The following PLXNA4 variants were observed in gnomAD, a reference collection of about 807,000 sequenced individuals.
PLXNA4 encodes plexin-A4.
PLXNA4 carries 44 observed loss-of-function variants against 191.8 expected under a neutral mutation model. The ratio of observed to expected loss-of-function variants is 0.23; its 90% confidence interval spans 0.18 to 0.29. The LOEUF (loss-of-function observed/expected upper bound fraction) is 0.29, where lower values mean the gene tolerates loss of function less well. Ranked by LOEUF, PLXNA4 falls within the 10% of genes least tolerant of loss-of-function variation. The pLI is 1.00. For missense variants in PLXNA4, 1,800 were observed against 2,488.8 expected (o/e 0.72, Z 5.89); for synonymous variants, 1,082 against 1,009.5 (o/e 1.07, Z -1.36).
At chr7:132,259,717 C>T (rs145776747) in intron 4 of PLXNA4, among the ~76,000 whole-genome samples, 121 of 152,144 alleles carry the variant, frequency 8.0e-4, no homozygotes, top group Admixed American at 2.0e-3. Context: ...CACTTGGAAG[C>T]GAACAAGGTG....
At chr7:132,405,732 AG>A (rs1474760286) in intron 3 of PLXNA4, among the ~76,000 whole-genome samples, 1 of 152,190 alleles carries the variant, frequency 6.6e-6, no homozygotes, top group Non-Finnish European at 1.5e-5. Context: ...ATACATTGTG[AG>A]GATGTGCAGA....
At chr7:132,320,290 C>T (rs959695356) in intron 3 of PLXNA4, among the ~76,000 whole-genome samples, 6 of 152,212 alleles carry the variant, frequency 3.9e-5, no homozygotes, top group African/African-American at 1.4e-4. Context: ...CTCTTCCCAC[C>T]TCCAGTGACT....
intron 3 of PLXNA4, among the ~76,000 whole-genome samples, chr7:132,465,151 C>T (rs749541714): frequency 6.6e-6 from 1 of 152,118 alleles, no homozygotes; most frequent in South Asian, 2.1e-4. Context: ...GACACACAGC[C>T]CATAGATAGG....
chr7:132,570,220 A>G (rs1110588), intron 1 of PLXNA4, among the ~76,000 whole-genome samples: 149,948 of 152,302 alleles, frequency 0.98, 73,855 homozygotes, highest in East Asian at 1. Context: ...GGGAAACTCT[A>G]GTCTATTTTA....
intron 1 of PLXNA4, among the ~76,000 whole-genome samples, chr7:132,525,663 C>T (rs1234589731): frequency 6.6e-6 from 1 of 152,180 alleles, no homozygotes; most frequent in East Asian, 1.9e-4. Flanking sequence ...AACTTGTGAA[C>T]AAATGCCTGT....
chr7:132,309,960 T>C (rs943112047), intron 3 of PLXNA4, among the ~76,000 whole-genome samples: 2 of 152,174 alleles, frequency 1.3e-5, no homozygotes, highest in Admixed American at 1.3e-4. Context: ...CATCCCAGAT[T>C]TACCAGTAGG....
chr7:132,332,683 TAA>T (rs772279351), intron 3 of PLXNA4, among the ~76,000 whole-genome samples: 7 of 143,190 alleles, frequency 4.9e-5, no homozygotes, highest in Non-Finnish European at 1.1e-4. Flanking sequence ...ACCCCATTTC[TAA>T]AAAAAAAAAA....
chr7:132,562,431 T>C (rs1197704527), intron 1 of PLXNA4, among the ~76,000 whole-genome samples: 7 of 96,198 alleles, frequency 7.3e-5, no homozygotes, highest in Non-Finnish European at 1.0e-4. Flanking sequence ...TCCTACTCCT[T>C]TTCCTCTTCA....
At chr7:132,572,530 C>T (rs1268917619) in intron 1 of PLXNA4, among the ~76,000 whole-genome samples, 1 of 152,192 alleles carries the variant, frequency 6.6e-6, no homozygotes, top group Admixed American at 6.5e-5. Context: ...CCAGGCTGCT[C>T]CATGCCATGC....
At chr7:132,231,221 C>T (rs1360067104) in intron 5 of PLXNA4, among the ~76,000 whole-genome samples, 22 of 152,096 alleles carry the variant, frequency 1.4e-4, no homozygotes, top group Admixed American at 1.4e-3. Context: ...CAGTACCTAC[C>T]TAATACGGTT....
intron 17 of PLXNA4, 24 bp downstream of exon 17, chr7:132,182,073 G>A (rs777299521): frequency 1.2e-6 from 2 of 1,613,966 alleles, no homozygotes; most frequent in African/African-American, 2.7e-5. Context: ...CAGCCTCCAT[G>A]AACCCCATCA....
At chr7:132,410,371 C>T (rs1412572396) in intron 3 of PLXNA4, among the ~76,000 whole-genome samples, 1 of 152,204 alleles carries the variant, frequency 6.6e-6, no homozygotes, top group Non-Finnish European at 1.5e-5. Flanking sequence ...AGGAGAGACA[C>T]TTTTCCTGAC....
At chr7:132,558,365 G>A (rs1800891039) in intron 1 of PLXNA4, among the ~76,000 whole-genome samples, 1 of 151,974 alleles carries the variant, frequency 6.6e-6, no homozygotes, top group Middle Eastern at 3.2e-3. Context: ...TTTTTATAAA[G>A]GCTCTTTAGA....
intron 2 of PLXNA4, among the ~76,000 whole-genome samples, chr7:132,634,349 T>C (rs1391601945): frequency 6.6e-6 from 1 of 152,142 alleles, no homozygotes; most frequent in Non-Finnish European, 1.5e-5. Context: ...ATAAACCCTA[T>C]GTCTCATTCA....
rs78174273 is a variant in PLXNA4 at position 132,590,899 on chromosome 7, G to A, written c.-87+55029C>T. Among the ~76,000 whole-genome samples the A allele has an allele frequency of 7.6e-3, 1,159 of 152,252 alleles. 24 individuals carry two copies. The highest frequency in any genetic ancestry group is 0.027 in the African/African-American group (1,114 of 41,566). On this transcript the variant is annotated intron_variant, in intron 2 of 4. Transcript: ENST00000378539. ...CAGGAGAGCAGTCTGGAGGTAGGTG[G>A]CTCCGGGCTTGGTGCAGGGACTCAG...
intron 5 of PLXNA4, among the ~76,000 whole-genome samples, chr7:132,228,962 T>A (rs1241298083): frequency 2.0e-5 from 3 of 152,206 alleles, no homozygotes; most frequent in Non-Finnish European, 4.4e-5. Flanking sequence ...CAATCTCTCC[T>A]GCCCACCCTA....
intron 1 of PLXNA4, among the ~76,000 whole-genome samples, chr7:132,540,504 T>TC (rs1189328865): frequency 6.8e-6 from 1 of 147,006 alleles, no homozygotes; most frequent in African/African-American, 2.5e-5. Flanking sequence ...TCCCCAAATT[T>TC]CCCCAAAGTT....
At chr7:132,583,890 T>A (rs1802456577) in intron 2 of PLXNA4, among the ~76,000 whole-genome samples, 1 of 152,180 alleles carries the variant, frequency 6.6e-6, no homozygotes, top group Admixed American at 6.5e-5. Context: ...TGGTAGCACA[T>A]GAGGGTTGGG....
intron 3 of PLXNA4, among the ~76,000 whole-genome samples, chr7:132,451,868 C>G (rs1796134728): frequency 6.6e-6 from 1 of 152,236 alleles, no homozygotes; most frequent in African/African-American, 2.4e-5. Flanking sequence ...AGGCAGGGCC[C>G]TCCTGGCCCT....
Sources: allele counts gnomAD v4.1 joint callset (sites outside exome capture counted in the v4.1 genomes callset), GRCh38; gene constraint gnomAD v4.1.1; transcripts MANE v1.5; gene names NCBI Gene and HGNC (gene_info 2026-07-23, HGNC 2026-07-21).